Variants in SCP2 observed in about 807,000 individuals in gnomAD.
SCP2 encodes the protein sterol carrier protein 2.
SCP2 carries 48 observed loss-of-function variants against 71.4 expected under a neutral mutation model. That is an observed-to-expected ratio of 0.67 (90% CI 0.53 to 0.86). The LOEUF is 0.86. Ranked by LOEUF, SCP2 falls within the 40% of genes least tolerant of loss-of-function variation. The probability of loss-of-function intolerance (pLI) is 0.00; values close to 1 mark genes in which losing one functional copy is unlikely to be tolerated. For missense variants in SCP2, 560 were observed against 655.6 expected, an observed-to-expected ratio of 0.85 and a Z score of 1.59; for synonymous variants, 220 against 218.1, an observed-to-expected ratio of 1.01 and a Z score of -0.08.
intron 13 of SCP2, among the ~76,000 whole-genome samples, chr1:53,036,252 T>A (rs1357650727): frequency 1.3e-5 from 2 of 149,554 alleles, no homozygotes; most frequent in Non-Finnish European, 3.0e-5. Context: ...AAGATATATA[T>A]ATAAAAGCTT....
intron 11 of SCP2, among the ~76,000 whole-genome samples, chr1:52,992,384 T>C (rs1431850409): frequency 6.6e-6 from 1 of 152,240 alleles, no homozygotes; most frequent in Admixed American, 6.5e-5. Context: ...ATCAATTCCA[T>C]ATTTTATATT....
intron 1 of SCP2, among the ~76,000 whole-genome samples, chr1:52,941,146 G>A (rs1654200713): frequency 6.6e-6 from 1 of 152,008 alleles, no homozygotes; most frequent in African/African-American, 2.4e-5. Flanking sequence ...CTTACTTCTA[G>A]ATCTTTACTC....
At chr1:52,933,619 A>G (rs1653371566) in intron 1 of SCP2, among the ~76,000 whole-genome samples, 1 of 152,220 alleles carries the variant, frequency 6.6e-6, no homozygotes, top group Admixed American at 6.5e-5. Flanking sequence ...GGATAATTAA[A>G]TAGTAGATGA....
chr1:52,992,336 A>T (rs1384921094), intron 11 of SCP2, among the ~76,000 whole-genome samples: 1 of 152,228 alleles, frequency 6.6e-6, no homozygotes, highest in African/African-American at 2.4e-5. Context: ...GTATAAAAGT[A>T]TATAGCAAAA....
At chr1:52,995,804 A>G in intron 11 of SCP2, 4 of 878,162 alleles carry the variant, frequency 4.6e-6, no homozygotes, top group Non-Finnish European at 7.7e-6. Flanking sequence ...CGGCAGCAGC[A>G]CGGCCATCCA....
chr1:53,049,162 T>G (rs936098551), intron 15 of SCP2: 5 of 152,278 alleles, frequency 3.3e-5, no homozygotes, highest in Admixed American at 1.3e-4. Context: ...GTATAGGAGC[T>G]GGCTGTCATC....
In SCP2 at chr1:53,028,010, C is replaced by G. The variant is rs1662256967; in HGVS notation, c.1277C>G (p.Ser426Cys). The stretch of plus-strand genomic sequence containing the variant: ...CAAATTGAAGCTGTTCCAACCAGCT[C>G]TGCAAGTGATGGATTTAAGGCAAAT... ...THQIEAVPTS[S>C]ASDGFKANLV... The change falls in exon 13 of 16, where the codon TCT (serine) becomes TGT (cysteine). Residue 426 changes from serine (S) to cysteine (C), a missense_variant. This residue lies in a region of SCP2 where 513 missense variants were observed against 573.1 expected (regional missense o/e 0.90). Transcript: ENST00000371514. 2 of 1,612,278 alleles carry G rather than the reference C, an allele frequency of 1.2e-6. No homozygotes were observed. The highest frequency in any genetic ancestry group is 1.7e-6 in the Non-Finnish European group (2 of 1,178,450).
At chr1:52,976,852 C>G in intron 8 of SCP2, 83 bp downstream of exon 8, 1 of 787,092 alleles carries the variant, frequency 1.3e-6, no homozygotes, top group Admixed American at 1.8e-5. Flanking sequence ...ACCTTAGGCT[C>G]TGCATCTGGG....
chr1:52,990,527 G>A (rs1394116709), intron 11 of SCP2, among the ~76,000 whole-genome samples: 1 of 151,972 alleles, frequency 6.6e-6, no homozygotes, highest in African/African-American at 2.4e-5. Context: ...TGGGTCAGGA[G>A]ATCAAGACCA....
At position 52,941,776 on chromosome 1, in the gene SCP2, A is replaced by G. The variant is rs761240453; in HGVS notation, c.70-20A>G. On this transcript the variant is annotated intron_variant, in intron 1 of 15. Transcript: ENST00000371514. ...GTAACTATACTTGTTTGTATTTATTATCTCTTTCTATATCTCTAGTTTGTG... is the reference window on the plus strand; with the variant it reads ...GTAACTATACTTGTTTGTATTTATTGTCTCTTTCTATATCTCTAGTTTGTG... 1.3e-6 allele frequency: 2 copies of G among 1,522,992 alleles called. No homozygotes were observed. The highest frequency in any genetic ancestry group is 1.8e-6 in the Non-Finnish European group (2 of 1,098,308). The allele number at this position is 1,522,992 out of a possible 1,614,324, so 94.3% of individuals were successfully genotyped here.
At chr1:52,987,006 A>ATATATATTTTTTTTTTTTT (rs1386745740) in intron 10 of SCP2, among the ~76,000 whole-genome samples, 2 of 110,506 alleles carry the variant, frequency 1.8e-5, no homozygotes, top group African/African-American at 8.0e-5. Flanking sequence ...ATATATATAT[A>ATATATATTTTTTTTTTTTT]TTTTTTTTTT....
chr1:53,004,396 G>A (rs1458133815), intron 11 of SCP2, among the ~76,000 whole-genome samples: 1 of 152,126 alleles, frequency 6.6e-6, no homozygotes, highest in African/African-American at 2.4e-5. Flanking sequence ...CTGAGCCCAA[G>A]CTAAGCCATC....
At chr1:52,972,089 A>G (rs1464010318) in intron 6 of SCP2, among the ~76,000 whole-genome samples, 1 of 152,164 alleles carries the variant, frequency 6.6e-6, no homozygotes, top group Non-Finnish European at 1.5e-5. Context: ...AGATTTCTAA[A>G]TGAATTGTAG....
intron 8 of SCP2, among the ~76,000 whole-genome samples, 197 bp from the exon 9 acceptor site, chr1:52,978,019 CA>C (rs1450506912): frequency 6.6e-6 from 1 of 151,660 alleles, no homozygotes; most frequent in Non-Finnish European, 1.5e-5. Flanking sequence ...TAGTGATTGA[CA>C]ACATTTAAGT....
chr1:52,991,968 A>T (rs2150194164), intron 11 of SCP2, among the ~76,000 whole-genome samples: 1 of 152,326 alleles, frequency 6.6e-6, no homozygotes, highest in South Asian at 2.1e-4. Flanking sequence ...ACAAAATCAG[A>T]TGCCATCCAC....
At chr1:53,047,987 T>C in intron 15 of SCP2, 50 bp downstream of exon 15, 1 of 1,239,574 alleles carries the variant, frequency 8.1e-7, no homozygotes, top group Non-Finnish European at 1.2e-6. Context: ...CTTTCAGCCC[T>C]TTCTACTCCA....
intron 11 of SCP2, chr1:52,993,867 A>T: frequency 6.8e-7 from 1 of 1,475,944 alleles, no homozygotes; most frequent in Non-Finnish European, 9.0e-7. Context: ...ATCATATGAT[A>T]GTATTCCTAA....
intron 2 of SCP2, among the ~76,000 whole-genome samples, chr1:52,942,513 T>C (rs1654346360): frequency 6.6e-6 from 1 of 152,064 alleles, no homozygotes; most frequent in Non-Finnish European, 1.5e-5. Context: ...GTCTGAGTTG[T>C]AGCAGAGAGA....
chr1:52,952,281 G>T (rs1488420612), intron 4 of SCP2, among the ~76,000 whole-genome samples: 2 of 151,938 alleles, frequency 1.3e-5, no homozygotes, highest in African/African-American at 4.8e-5. Flanking sequence ...ATTTATTCAT[G>T]TTGTAGCATA....
Sources: gnomAD v4.1 joint callset for allele counts (sites outside exome capture counted in the v4.1 genomes callset) on GRCh38, gnomAD v4.1.1 for gene constraint, gnomAD v4.1.1 regional missense constraint, MANE v1.5 for transcripts, NCBI Gene and HGNC (gene_info 2026-07-23, HGNC 2026-07-21) for gene names.